The following FOXN4 variants were observed in gnomAD, a reference collection of about 807,000 sequenced individuals.
FOXN4 encodes the protein forkhead box N4.
In FOXN4, 12 loss-of-function variants were observed where a neutral mutation model predicts 45.0. That is an observed-to-expected ratio of 0.27 (90% confidence interval 0.17 to 0.43). The LOEUF is 0.43. FOXN4 is among the 20% of genes least tolerant of loss of function. The pLI is 1.00. For missense variants in FOXN4, 560 were observed against 694.9 expected, an observed-to-expected ratio of 0.81 and a Z score of 2.18; for synonymous variants, 297 against 295.0, an observed-to-expected ratio of 1.01 and a Z score of -0.07.
chr12:109,286,908 A>T, intron 6 of FOXN4, 164 bp from the exon 7 acceptor site: 1 of 1,425,980 alleles, frequency 7.0e-7, no homozygotes, highest in East Asian at 2.5e-5. Flanking sequence ...TCATGGCCCG[A>T]TGTCTTTCCC....
Position 109,290,703 on chromosome 12 carries a change from G to A in FOXN4, c.87-417C>T, listed in dbSNP as rs1172943422. Among the ~76,000 whole-genome samples the A allele has an allele frequency of 6.6e-6, 1 of 152,164 alleles. No individual in the cohort carries two copies. Among genetic ancestry groups the A allele is most frequent in the African/African-American group, 2.4e-5 (1 of 41,430 alleles). ...CTACTATGGGACACTACAGCACAGA[G>A]CACTCAGGGCCTGTGGTCAGGGTCC... On this transcript the variant is annotated intron_variant, in intron 2 of 9. Coordinates refer to ENST00000299162, the MANE Select transcript of FOXN4 (RefSeq NM_213596.3). The surrounding 1 kb of genome is among the most constrained non-coding windows in gnomAD (Gnocchi z 5.1).
chr12:109,297,166 C>T (rs778785189), intron 2 of FOXN4, among the ~76,000 whole-genome samples: 1 of 152,230 alleles, frequency 6.6e-6, no homozygotes, highest in Non-Finnish European at 1.5e-5. Context: ...AGGACCAGTA[C>T]TGGTCCGTGG....
At chr12:109,306,495 G>T (rs1458384545) in intron 2 of FOXN4, among the ~76,000 whole-genome samples, 2 of 152,186 alleles carry the variant, frequency 1.3e-5, no homozygotes, top group Non-Finnish European at 2.9e-5. Flanking sequence ...GGAAGGATGC[G>T]CTCGCCCAGG....
intron 2 of FOXN4, among the ~76,000 whole-genome samples, chr12:109,299,414 A>G (rs1012963557): frequency 1.3e-5 from 2 of 152,198 alleles, no homozygotes; most frequent in African/African-American, 2.4e-5. Flanking sequence ...ACACACGTGC[A>G]TGTAAACGCA....
intron 2 of FOXN4, among the ~76,000 whole-genome samples, chr12:109,306,826 G>A (rs1044469792): frequency 1.3e-5 from 2 of 152,234 alleles, no homozygotes; most frequent in African/African-American, 4.8e-5. Context: ...ATGGACTTGA[G>A]AGCCTAAGCT....
chr12:109,286,911 T>C, intron 6 of FOXN4, 167 bp from the exon 7 acceptor site: 1 of 1,424,386 alleles, frequency 7.0e-7, no homozygotes, highest in East Asian at 2.5e-5. Context: ...TGGCCCGATG[T>C]CTTTCCCACC....
At chr12:109,300,170 C>T (rs147124588) in intron 2 of FOXN4, among the ~76,000 whole-genome samples, 27 of 152,302 alleles carry the variant, frequency 1.8e-4, no homozygotes, top group African/African-American at 5.5e-4. Context: ...AAGTAGACCC[C>T]GTGAAGACAG....
intron 2 of FOXN4, among the ~76,000 whole-genome samples, chr12:109,304,114 C>T (rs1479734688): frequency 6.7e-6 from 1 of 150,316 alleles, no homozygotes; most frequent in Non-Finnish European, 1.5e-5. Context: ...TTGCTGGAAC[C>T]CAGGAAGTGG....
chr12:109,299,617 T>A (rs1402587314), intron 2 of FOXN4, among the ~76,000 whole-genome samples: 1 of 152,070 alleles, frequency 6.6e-6, no homozygotes, highest in East Asian at 1.9e-4. Flanking sequence ...CAGTCCCCCC[T>A]CTGCCAGGAA....
At chr12:109,300,322 T>C (rs572919206) in intron 2 of FOXN4, among the ~76,000 whole-genome samples, 8 of 152,174 alleles carry the variant, frequency 5.3e-5, no homozygotes, top group African/African-American at 1.9e-4. Flanking sequence ...GACGCCAGAA[T>C]GCACAGGAGA....
Position 109,288,290 on chromosome 12 carries a change from G to T in FOXN4, c.233-110C>A. On this transcript the variant is annotated intron_variant, in intron 3 of 9. Coordinates refer to ENST00000299162, the MANE Select transcript of FOXN4 (RefSeq NM_213596.3). This position sits in a 1 kb window ranked among gnomAD's most constrained non-coding sequence, Gnocchi z 4.3. ...GAGAACGGAGCCAGCCCCTTTCCTC[G>T]GACCAGGCACATAGTAGGTGCTTGG... 1 of 1,429,784 alleles carries T rather than the reference G, an allele frequency of 7.0e-7. No homozygotes were observed. Among genetic ancestry groups the T allele is most frequent in the Non-Finnish European group, 9.3e-7 (1 of 1,080,234 alleles). The allele number at this position is 1,429,784 out of a possible 1,614,324, so 88.6% of individuals were successfully genotyped here. A position where few individuals can be genotyped will look rare whatever the true frequency, so the allele number is the denominator to read the frequency against.
rs2136928857 is a variant in FOXN4, at chr12:109,290,976, CTG to C, written c.87-692_87-691del. Among the ~76,000 whole-genome samples the C allele has an allele frequency of 6.6e-6, 1 of 152,246 alleles. No homozygotes were observed. Among genetic ancestry groups the C allele is most frequent in the East Asian group, 1.9e-4 (1 of 5,184 alleles). ...TACTCCCCTCGTACAGATGAGAAAACTGAGGCTTGGAGCACCGAGTCACCTGC... is the reference window on the plus strand; with the variant it reads ...TACTCCCCTCGTACAGATGAGAAAACAGGCTTGGAGCACCGAGTCACCTGC... On this transcript the variant is annotated intron_variant, in intron 2 of 9. Transcript: ENST00000299162. This position sits in a 1 kb window ranked among gnomAD's most constrained non-coding sequence, Gnocchi z 5.1.
intron 2 of FOXN4, among the ~76,000 whole-genome samples, chr12:109,294,936 G>T (rs1009757400): frequency 1.3e-5 from 2 of 152,136 alleles, no homozygotes; most frequent in African/African-American, 4.8e-5. Context: ...TTGAGATGTT[G>T]TAAACTACAG....
chr12:109,297,774 T>C lies in FOXN4; in HGVS notation c.87-7488A>G, dbSNP rs146672635. ...CTGGTGCCAAAAAGGCTGAGACTGC[T>C]GCTCTATGATATCTAGAAAATCCTC... On this transcript the variant is annotated intron_variant, in intron 2 of 9. Coordinates refer to ENST00000299162, the MANE Select transcript of FOXN4 (RefSeq NM_213596.3). Among the ~76,000 whole-genome samples the C allele has an allele frequency of 1.6e-3, 247 of 152,376 alleles. 1 individual carries two copies. The highest frequency in any genetic ancestry group is 5.6e-3 in the African/African-American group (234 of 41,592).
intron 8 of FOXN4, among the ~76,000 whole-genome samples, chr12:109,284,573 G>T (rs11615167): frequency 6.7e-6 from 1 of 149,786 alleles, no homozygotes; most frequent in Non-Finnish European, 1.5e-5. Context: ...GTGTGCGTGC[G>T]TGTGTGTGTG....
chr12:109,279,095 G>A lies in FOXN4; in HGVS notation c.*576C>T, dbSNP rs79108282. ...AGACTATCGGAAAGGTGGGGCTGAAGGCCACCTGGACCGGCTCCCATTTCA... is the reference window on the plus strand; with the variant it reads ...AGACTATCGGAAAGGTGGGGCTGAAAGCCACCTGGACCGGCTCCCATTTCA... On this transcript the variant is annotated 3_prime_UTR_variant, in exon 10 of 10. Coordinates refer to ENST00000299162, the MANE Select transcript of FOXN4 (RefSeq NM_213596.3). 3,792 of 156,750 alleles carry A rather than the reference G, an allele frequency of 0.024. 120 individuals are homozygous for A. Among genetic ancestry groups the A allele is most frequent in the East Asian group, 0.095 (503 of 5,322 alleles). 9.7% of individuals were successfully genotyped at this position (156,750 alleles called of 1,614,324 possible).
At chr12:109,286,782 G>GGCAGGGCAGGGCAGT in intron 6 of FOXN4, 38 bp from the exon 7 acceptor site, 1 of 1,582,206 alleles carries the variant, frequency 6.3e-7, no homozygotes, top group South Asian at 1.1e-5. Context: ...GGCAGGGCAG[G>GGCAGGGCAGGGCAGT]ACAGGGCAGG....
intron 6 of FOXN4, 140 bp from the exon 7 acceptor site, chr12:109,286,884 C>T (rs2047717816): frequency 7.0e-7 from 1 of 1,434,480 alleles, no homozygotes. Flanking sequence ...ACACAGTGAG[C>T]TCTCAATATC....
chr12:109,298,751 C>G (rs1244078196), intron 2 of FOXN4, among the ~76,000 whole-genome samples: 2 of 152,132 alleles, frequency 1.3e-5, no homozygotes, highest in Non-Finnish European at 2.9e-5. Flanking sequence ...AAAGTTCCAT[C>G]ATCTTGGGCA....
Sources: allele counts gnomAD v4.1 joint callset (sites outside exome capture counted in the v4.1 genomes callset), GRCh38; gene constraint gnomAD v4.1.1; non-coding constraint Gnocchi (gnomAD v3.1); transcripts MANE v1.5; gene names NCBI Gene and HGNC (gene_info 2026-07-23, HGNC 2026-07-21).